Variants in NALCN observed in about 807,000 individuals in gnomAD.
NALCN encodes the protein sodium leak channel NALCN.
A neutral mutation model predicts 225.3 loss-of-function variants in NALCN; 111 were observed. The ratio of observed to expected loss-of-function variants is 0.49; its 90% CI spans 0.42 to 0.58. The LOEUF is 0.58. NALCN is among the 20% of genes least tolerant of loss of function. NALCN has a pLI of 0.00. For missense variants in NALCN, 1,378 were observed against 2,202.4 expected, an observed-to-expected ratio of 0.63 and a Z score of 7.49; for synonymous variants, 764 against 769.0, an observed-to-expected ratio of 0.99 and a Z score of 0.11.
At chr13:101,308,363 C>A (rs994803262) in intron 7 of NALCN, among the ~76,000 whole-genome samples, 1 of 152,212 alleles carries the variant, frequency 6.6e-6, no homozygotes. Context: ...AACTCCTTCC[C>A]TGGACTCATT....
intron 17 of NALCN, among the ~76,000 whole-genome samples, chr13:101,139,861 G>T (rs371214062): frequency 1.3e-5 from 2 of 152,278 alleles, no homozygotes; most frequent in South Asian, 4.1e-4. Context: ...CCAGAATGCT[G>T]TCTCCGCAAT....
chr13:101,321,902 T>A (rs2044758592), intron 7 of NALCN, among the ~76,000 whole-genome samples: 1 of 152,186 alleles, frequency 6.6e-6, no homozygotes, highest in African/African-American at 2.4e-5. Flanking sequence ...GACTTTGCTG[T>A]CTTAATAGTT....
intron 7 of NALCN, among the ~76,000 whole-genome samples, chr13:101,314,521 A>C (rs1760239): frequency 0.82 from 125,176 of 152,110 alleles, 52,251 homozygotes; most frequent in African/African-American, 0.87. Context: ...TGAATAGTTC[A>C]GTCACTGTGA....
chr13:101,209,974 G>T (rs2140071640), intron 13 of NALCN, among the ~76,000 whole-genome samples: 1 of 152,102 alleles, frequency 6.6e-6, no homozygotes, highest in African/African-American at 2.4e-5. Context: ...TTTTTCTCCG[G>T]AATTCTGAAA....
At chr13:101,330,024 G>C (rs1302398170) in intron 7 of NALCN, among the ~76,000 whole-genome samples, 2 of 150,890 alleles carry the variant, frequency 1.3e-5, no homozygotes, top group Non-Finnish European at 3.0e-5. Context: ...GGGTGACAGA[G>C]AGAGACTGTT....
chr13:101,250,440 C>T (rs1334572074), intron 11 of NALCN, among the ~76,000 whole-genome samples: 2 of 151,988 alleles, frequency 1.3e-5, no homozygotes, highest in Admixed American at 6.5e-5. Context: ...TAGACACAGA[C>T]TGAGGTGTCC....
chr13:101,167,893 T>A (rs918249900), intron 15 of NALCN, among the ~76,000 whole-genome samples: 3 of 152,076 alleles, frequency 2.0e-5, no homozygotes, highest in Non-Finnish European at 4.4e-5. Flanking sequence ...AGAATTCATC[T>A]TTATTTGTGG....
intron 27 of NALCN, among the ~76,000 whole-genome samples, chr13:101,098,536 CAACA>C (rs2034636975): frequency 6.6e-6 from 1 of 152,116 alleles, no homozygotes; most frequent in Admixed American, 6.6e-5. Flanking sequence ...AGTTTTAAGA[CAACA>C]AACAAAGGAG....
intron 22 of NALCN, 87 bp downstream of exon 22, chr13:101,107,400 T>C: frequency 6.3e-7 from 1 of 1,597,182 alleles, no homozygotes; most frequent in Non-Finnish European, 8.5e-7. Flanking sequence ...CCCATTAGGA[T>C]TACACGTTCC....
chr13:101,177,335 T>TTACACAGCA (rs2038997192), intron 14 of NALCN, among the ~76,000 whole-genome samples: 1 of 151,518 alleles, frequency 6.6e-6, no homozygotes, highest in Admixed American at 6.6e-5. Flanking sequence ...GGGTAATTTA[T>TTACACAGCA]TACACAGCAA....
intron 17 of NALCN, among the ~76,000 whole-genome samples, chr13:101,137,282 A>G (rs1256090739): frequency 6.6e-6 from 1 of 152,150 alleles, no homozygotes; most frequent in East Asian, 1.9e-4. Flanking sequence ...TACTGCAGAG[A>G]AGCTAAGCCA....
rs544607169 is a variant in NALCN at position 101,287,869 on chromosome 13, A to T, written c.1048-3850T>A. Among the ~76,000 whole-genome samples, 23 of 152,340 alleles carry T rather than the reference A, an allele frequency of 1.5e-4. No homozygotes were observed. In the South Asian group the frequency reaches 4.3e-3, roughly 29 times the overall value. ...TCATCAACAACATGAATAACAGGTTATCTAATGGATAGTGGTAAGAGAAAG... is the reference window on the plus strand; with the variant it reads ...TCATCAACAACATGAATAACAGGTTTTCTAATGGATAGTGGTAAGAGAAAG... On this transcript the variant is annotated intron_variant, in intron 9 of 43. Coordinates refer to ENST00000251127, the MANE Select transcript of NALCN (RefSeq NM_052867.4).
intron 38 of NALCN, 66 bp downstream of exon 38, chr13:101,068,629 A>T (rs2032612852): frequency 7.1e-6 from 10 of 1,404,234 alleles, no homozygotes; most frequent in Non-Finnish European, 9.3e-6. Flanking sequence ...ATTGCTTGAA[A>T]ATAATACATA....
intron 39 of NALCN, 67 bp from the exon 40 acceptor site, chr13:101,065,628 GAAAAA>G: frequency 8.3e-7 from 1 of 1,204,990 alleles, no homozygotes; most frequent in Non-Finnish European, 1.1e-6. Context: ...TTTCTCAAAA[GAAAAA>G]AAAAAAGGTG....
chr13:101,372,934 TA>T (rs201641366), intron 6 of NALCN: 8 of 196,904 alleles, frequency 4.1e-5, no homozygotes, highest in Admixed American at 2.5e-4. Flanking sequence ...TGAGAAGACA[TA>T]AAAAAATGGA....
intron 13 of NALCN, among the ~76,000 whole-genome samples, chr13:101,199,114 G>T (rs866910364): frequency 1.1e-4 from 16 of 150,408 alleles, no homozygotes; most frequent in Admixed American, 3.3e-4. Flanking sequence ...ACAGGAAGGG[G>T]AACATCACAC....
rs528253000 is a variant in NALCN, at chr13:101,359,042, G to A, written c.645-13622C>T. On this transcript the variant is annotated intron_variant, in intron 6 of 43. Transcript: ENST00000251127. ...GGGTCTGTCGCGGGGTGAGGGGCAG[G>A]GGGAGGGAGAGCATTAGGACAAATA... Among the ~76,000 whole-genome samples, 5 of 152,204 alleles carry A rather than the reference G, an allele frequency of 3.3e-5. No homozygotes were observed. In the East Asian group the frequency reaches 5.8e-4, roughly 18 times the overall value.
At chr13:101,399,793 G>A (rs1484790389) in intron 1 of NALCN, among the ~76,000 whole-genome samples, 4 of 152,168 alleles carry the variant, frequency 2.6e-5, no homozygotes, top group Non-Finnish European at 5.9e-5. Context: ...GGTGGGAGAT[G>A]AGATGCCTGC....
chr13:101,148,740 T>C (rs1389859957), intron 15 of NALCN, among the ~76,000 whole-genome samples: 3 of 152,148 alleles, frequency 2.0e-5, no homozygotes, highest in Admixed American at 6.5e-5. Context: ...AATAATGGTA[T>C]TGATCAGGTG....
Sources: gnomAD v4.1 joint callset for allele counts (sites outside exome capture counted in the v4.1 genomes callset) on GRCh38, gnomAD v4.1.1 for gene constraint, MANE v1.5 for transcripts, NCBI Gene and HGNC (gene_info 2026-07-23, HGNC 2026-07-21) for gene names.